The following CHRM3 variants were observed in gnomAD, a reference collection of about 807,000 sequenced individuals.
The protein encoded by CHRM3 is cholinergic receptor muscarinic 3, also known as muscarinic acetylcholine receptor M3.
Under a neutral mutation model 41.8 loss-of-function variants are expected in CHRM3, and 11 were observed. The observed-to-expected ratio is 0.26, with a 90% CI of 0.17 to 0.44. CHRM3 has a LOEUF of 0.44. Ranked by LOEUF, CHRM3 falls within the 20% of genes least tolerant of loss-of-function variation. The pLI is 1.00. For missense variants in CHRM3, 571 were observed against 745.4 expected, an observed-to-expected ratio of 0.77 and a Z score of 2.72; for synonymous variants, 297 against 301.4, an observed-to-expected ratio of 0.99 and a Z score of 0.15.
intron 5 of CHRM3, among the ~76,000 whole-genome samples, chr1:239,811,866 A>G (rs1382219926): frequency 2.0e-5 from 3 of 152,076 alleles, no homozygotes; most frequent in Non-Finnish European, 4.4e-5. Context: ...AAAAATAGAC[A>G]ATTTGTAGCA....
At chr1:239,889,059 CAA>C (rs1678313134) in intron 6 of CHRM3, among the ~76,000 whole-genome samples, 1 of 152,106 alleles carries the variant, frequency 6.6e-6, no homozygotes. Context: ...CGCAGACACA[CAA>C]AGAGTGAAGT....
intron 2 of CHRM3, among the ~76,000 whole-genome samples, chr1:239,523,014 C>T (rs1476062296): frequency 6.6e-6 from 1 of 152,024 alleles, no homozygotes; most frequent in Non-Finnish European, 1.5e-5. Context: ...GATCAGGCAT[C>T]CTACCTAAGG....
At chr1:239,905,369 A>T (rs1679890769) in intron 6 of CHRM3, among the ~76,000 whole-genome samples, 1 of 152,206 alleles carries the variant, frequency 6.6e-6, no homozygotes, top group South Asian at 2.1e-4. Context: ...CAGATTATTT[A>T]AATGTGTCTT....
chr1:239,511,756 T>A (rs1488333331), intron 2 of CHRM3, among the ~76,000 whole-genome samples: 1 of 152,154 alleles, frequency 6.6e-6, no homozygotes, highest in Non-Finnish European at 1.5e-5. Context: ...ATTTACTTCT[T>A]GATAGAAAGG....
intron 3 of CHRM3, among the ~76,000 whole-genome samples, chr1:239,617,639 G>C (rs1363879556): frequency 6.6e-6 from 1 of 152,130 alleles, no homozygotes; most frequent in Non-Finnish European, 1.5e-5. Context: ...GAGACTGAGG[G>C]AGGAGGATTA....
intron 3 of CHRM3, among the ~76,000 whole-genome samples, chr1:239,578,466 A>C (rs968755343): frequency 1.3e-5 from 2 of 152,264 alleles, no homozygotes; most frequent in East Asian, 3.9e-4. Context: ...ACAGGTCAAA[A>C]TTTACTATTA....
chr1:239,457,469 T>C (rs1254523800), intron 1 of CHRM3, among the ~76,000 whole-genome samples: 1 of 152,216 alleles, frequency 6.6e-6, no homozygotes, highest in Non-Finnish European at 1.5e-5. Context: ...GCTCCAACTA[T>C]GTCCTTCAAT....
At chr1:239,549,120 T>C (rs1402844507) in intron 3 of CHRM3, among the ~76,000 whole-genome samples, 5 of 152,048 alleles carry the variant, frequency 3.3e-5, no homozygotes, top group African/African-American at 1.2e-4. Context: ...TTGAGACTTA[T>C]TCACTACCAT....
chr1:239,599,453 G>A (rs1313846252), intron 3 of CHRM3, among the ~76,000 whole-genome samples: 3 of 131,950 alleles, frequency 2.3e-5, no homozygotes, highest in African/African-American at 8.8e-5. Context: ...TTCTGACACT[G>A]TATTTAAGGG....
At chr1:239,743,955 C>A (rs1384219902) in intron 5 of CHRM3, among the ~76,000 whole-genome samples, 1 of 149,104 alleles carries the variant, frequency 6.7e-6, no homozygotes, top group East Asian at 2.0e-4. Context: ...CCACCATGCC[C>A]GGCTAATTTT....
At chr1:239,745,173 G>A (rs1444836417) in intron 5 of CHRM3, among the ~76,000 whole-genome samples, 1 of 152,086 alleles carries the variant, frequency 6.6e-6, no homozygotes, top group Non-Finnish European at 1.5e-5. Context: ...CAACCACATG[G>A]GAGACATTGA....
intron 5 of CHRM3, among the ~76,000 whole-genome samples, chr1:239,732,181 A>G (rs1403506461): frequency 6.6e-6 from 1 of 151,938 alleles, no homozygotes; most frequent in Non-Finnish European, 1.5e-5. Flanking sequence ...TTAGATAAGT[A>G]TACCTAATAT....
intron 5 of CHRM3, among the ~76,000 whole-genome samples, chr1:239,728,561 C>T (rs1259227086): frequency 6.6e-6 from 1 of 151,946 alleles, no homozygotes; most frequent in East Asian, 1.9e-4. Context: ...ATAAATTGCT[C>T]TTCAAAATAT....
chr1:239,403,521 C>A (rs960151167), intron 1 of CHRM3, among the ~76,000 whole-genome samples: 1 of 152,138 alleles, frequency 6.6e-6, no homozygotes, highest in African/African-American at 2.4e-5. Context: ...ACTTCCCTTG[C>A]CTGGAGCATT....
intron 6 of CHRM3, among the ~76,000 whole-genome samples, chr1:239,864,367 C>A (rs749036418): frequency 6.6e-6 from 1 of 152,004 alleles, no homozygotes; most frequent in Non-Finnish European, 1.5e-5. Flanking sequence ...ATTAGCCAGG[C>A]GTGGTGGCAC....
chr1:239,589,647 T>C (rs1411409193), intron 3 of CHRM3, among the ~76,000 whole-genome samples: 2 of 90,874 alleles, frequency 2.2e-5, no homozygotes, highest in Non-Finnish European at 4.1e-5. Flanking sequence ...ACTATATATA[T>C]ATATATATAT....
chr1:239,447,962 G>A (rs1572340000), intron 1 of CHRM3, among the ~76,000 whole-genome samples: 1 of 152,106 alleles, frequency 6.6e-6, no homozygotes, highest in East Asian at 1.9e-4. Flanking sequence ...ACGTTGCTGA[G>A]AATAAACCCA....
intron 1 of CHRM3, among the ~76,000 whole-genome samples, chr1:239,439,492 C>T (rs895551427): frequency 2.2e-4 from 34 of 151,874 alleles, no homozygotes; most frequent in Non-Finnish European, 4.1e-4. Flanking sequence ...ACAATGGACA[C>T]GTGGAACTAG....
intron 4 of CHRM3, among the ~76,000 whole-genome samples, chr1:239,671,720 C>T (rs908858841): frequency 2.6e-5 from 4 of 151,670 alleles, no homozygotes; most frequent in Admixed American, 2.6e-4. Context: ...ACATTTCATC[C>T]TGTTACTCTG....
Sources: gnomAD v4.1 joint callset for allele counts (sites outside exome capture counted in the v4.1 genomes callset) on GRCh38, gnomAD v4.1.1 for gene constraint, MANE v1.5 for transcripts, NCBI Gene and HGNC (gene_info 2026-07-23, HGNC 2026-07-21) for gene names.